Variants in ARL17A observed in about 807,000 individuals in gnomAD.
ARL17A encodes ARF like GTPase 17A, also known as ADP-ribosylation factor-like 17-like.
intron 3 of ARL17A, among the ~76,000 whole-genome samples, chr17:46,541,888 A>G (rs2055392302): frequency 6.7e-6 from 1 of 149,818 alleles, no homozygotes. Flanking sequence ...AATCCCCTGC[A>G]GACACCGAGG....
chr17:46,503,166 C>T, the ARL17A span, among the ~76,000 whole-genome samples: 1 of 142,214 alleles, frequency 7.0e-6, no homozygotes, highest in Non-Finnish European at 1.5e-5. Context: ...GAGCCGAGAT[C>T]ATGCCACTGC....
chr17:46,530,329 C>G (rs1022372935), intron 4 of ARL17A, among the ~76,000 whole-genome samples: 1 of 135,370 alleles, frequency 7.4e-6, no homozygotes, highest in African/African-American at 2.7e-5. Flanking sequence ...ATTTAAAGCC[C>G]TAGTTTGAGA....
At chr17:46,502,342 C>G in the ARL17A span, among the ~76,000 whole-genome samples, 1 of 151,192 alleles carries the variant, frequency 6.6e-6, no homozygotes, top group Non-Finnish European at 1.5e-5. Context: ...TGGAGTTTCA[C>G]TCTTGTTCCC....
intron 3 of ARL17A, among the ~76,000 whole-genome samples, chr17:46,539,277 C>G (rs2054828001): frequency 1.9e-5 from 2 of 104,268 alleles, no homozygotes; most frequent in African/African-American, 3.7e-5. Context: ...AGGAGCCTGA[C>G]AAGTGGACAG....
chr17:46,547,226 T>C (rs1409979757), intron 3 of ARL17A: 4 of 38,208 alleles, frequency 1.0e-4, no homozygotes, highest in African/African-American at 5.2e-4. Context: ...CAGAAAAGCT[T>C]TGTTAACCTC....
rs543907383 is a variant in ARL17A at position 46,520,934 on chromosome 17, G to T, written c.260-3701C>A. Among the ~76,000 whole-genome samples, 10 of 80,722 alleles carry T rather than the reference G, an allele frequency of 1.2e-4. No homozygotes were observed. The East Asian group carries it at 2.4e-3, about 20-fold the overall frequency. 53.0% of individuals were successfully genotyped at this position (80,722 alleles called of 152,430 possible). On this transcript the variant is annotated intron_variant, in intron 3 of 4. Transcript: ENST00000445552. ...TAACATTTAAATATTAAAAATAGCT[G>T]AATTATATCAATATTATCATCAAGA...
At chr17:46,521,755 T>C (rs1431400000) in intron 3 of ARL17A, among the ~76,000 whole-genome samples, 1 of 54,842 alleles carries the variant, frequency 1.8e-5, no homozygotes, top group African/African-American at 6.6e-5. Flanking sequence ...TACTCTAAAC[T>C]TGCAAAAGGA....
intron 3 of ARL17A, among the ~76,000 whole-genome samples, chr17:46,543,902 T>A (rs1198487720): frequency 3.4e-5 from 5 of 148,636 alleles, no homozygotes; most frequent in African/African-American, 5.2e-5. Flanking sequence ...GGGTTGCTTG[T>A]GCCCAGGAGT....
intron 3 of ARL17A, among the ~76,000 whole-genome samples, chr17:46,558,588 A>G (rs1598599543): frequency 9.5e-6 from 1 of 104,850 alleles, no homozygotes; most frequent in South Asian, 2.7e-4. Context: ...AAACAGTTTC[A>G]CCATGTTGGC....
At chr17:46,547,978 C>CCAGCTCAT, downstream of ARL17A, 8 of 47,798 alleles carry the variant, frequency 1.7e-4, no homozygotes, top group Non-Finnish European at 2.7e-4. Context: ...TGCAGAGAGG[C>CCAGCTCAT]CAGCTCATCA....
chr17:46,521,350 C>T (rs1400670383), intron 3 of ARL17A, among the ~76,000 whole-genome samples: 1 of 51,460 alleles, frequency 1.9e-5, no homozygotes, highest in East Asian at 2.8e-4. Context: ...CAGGTGGATG[C>T]CAAAGTGCTA....
downstream of ARL17A, chr17:46,548,790 C>A (rs201177598): frequency 6.2e-7 from 1 of 1,611,300 alleles, no homozygotes; most frequent in Non-Finnish European, 8.5e-7. Context: ...TGGAACAGCC[C>A]CACACACAGC....
chr17:46,545,423 G>C (rs1193996911), intron 3 of ARL17A, among the ~76,000 whole-genome samples: 95 of 110,528 alleles, frequency 8.6e-4, no homozygotes, highest in African/African-American at 4.2e-3. Context: ...CTGTATTTCA[G>C]CCTGGGTGAC....
rs1407540356 is a variant in ARL17A, at chr17:46,558,111, A to G, written c.260-481T>C. Among the ~76,000 whole-genome samples, 4 of 131,394 alleles carry G rather than the reference A, an allele frequency of 3.0e-5. 1 individual carries two copies. Among genetic ancestry groups the G allele is most frequent in the African/African-American group, 1.2e-4 (4 of 33,122 alleles). 86.2% of individuals were successfully genotyped at this position (131,394 alleles called of 152,430 possible). ...TTTTGCTCTTGTTGCTCAGTCTGGA[A>G]TGCAATGGCACGATCTCAGCTCACT... is the stretch of plus-strand genomic sequence containing the variant. On this transcript the variant is annotated intron_variant, in intron 3 of 3. Transcript: ENST00000336125.
At chr17:46,551,164 A>AT (rs1452979238), downstream of ARL17A, among the ~76,000 whole-genome samples, 18 of 149,582 alleles carry the variant, frequency 1.2e-4, 2 homozygotes, top group African/African-American at 4.4e-4. Context: ...CATGTGAGAC[A>AT]TTCCCCCTCA....
downstream of ARL17A, among the ~76,000 whole-genome samples, chr17:46,516,153 A>G (rs1158201676): frequency 6.7e-6 from 1 of 149,914 alleles, no homozygotes; most frequent in Non-Finnish European, 1.5e-5. Context: ...ACAGAAAAAA[A>G]TTAGCCAGGC....
chr17:46,549,114 A>T, downstream of ARL17A: 1 of 1,611,802 alleles, frequency 6.2e-7, no homozygotes, highest in Non-Finnish European at 8.5e-7. Context: ...AAAAGAGTCC[A>T]AAGGTCAGAA....
intron 3 of ARL17A, among the ~76,000 whole-genome samples, chr17:46,545,820 C>T (rs2056224687): frequency 6.7e-6 from 1 of 149,626 alleles, no homozygotes; most frequent in Admixed American, 6.6e-5. Flanking sequence ...CTCCGCAATC[C>T]AGGTTAAACT....
At chr17:46,541,712 CAAT>C (rs1238842449) in intron 3 of ARL17A, among the ~76,000 whole-genome samples, 1 of 150,800 alleles carries the variant, frequency 6.6e-6, no homozygotes, top group Non-Finnish European at 1.5e-5. Context: ...AACAATACAA[CAAT>C]AAAAGCAGTA....
Sources: gnomAD v4.1 joint callset for allele counts (sites outside exome capture counted in the v4.1 genomes callset) on GRCh38, gnomAD v4.1.1 for gene constraint, MANE v1.5 for transcripts, NCBI Gene and HGNC (gene_info 2026-07-23, HGNC 2026-07-21) for gene names.